Variants in ATG7 observed in about 807,000 individuals in gnomAD.
ATG7 encodes ubiquitin-like modifier-activating enzyme ATG7.
ATG7 carries 70 observed loss-of-function variants against 82.4 expected under a neutral mutation model. The ratio of observed to expected loss-of-function variants is 0.85; its 90% CI spans 0.70 to 1.04. The LOEUF (loss-of-function observed/expected upper bound fraction) is 1.04, where lower values mean the gene tolerates loss of function less well. ATG7 is among the 50% of genes least tolerant of loss of function. ATG7 has a pLI of 0.00. For synonymous variants in ATG7, 287 were observed against 313.0 expected (o/e 0.92, Z 0.88); for missense variants, 792 against 864.3 (o/e 0.92, Z 1.05).
chr3:11,558,934 G>A (rs940971172), downstream of ATG7: 259 of 1,330,078 alleles, frequency 1.9e-4, no homozygotes, highest in Non-Finnish European at 1.7e-4. Flanking sequence ...TGGCTGCCAC[G>A]GTCAGCGTGG....
At chr3:11,453,630 T>C (rs1279996191) in intron 20 of ATG7, among the ~76,000 whole-genome samples, 2 of 152,244 alleles carry the variant, frequency 1.3e-5, no homozygotes, top group African/African-American at 4.8e-5. Context: ...AGCTCTCTTA[T>C]GAGTCATCCT....
intron 20 of ATG7, among the ~76,000 whole-genome samples, chr3:11,529,947 G>C (rs975081255): frequency 2.0e-5 from 3 of 152,184 alleles, no homozygotes; most frequent in Non-Finnish European, 4.4e-5. Context: ...CTCTTGCCCA[G>C]GAGACAGGAG....
intron 20 of ATG7, among the ~76,000 whole-genome samples, chr3:11,489,205 C>G (rs2090097571): frequency 6.6e-6 from 1 of 152,222 alleles, no homozygotes; most frequent in East Asian, 1.9e-4. Flanking sequence ...AACCACTGCT[C>G]TCTTCAAAGC....
At chr3:11,405,324 A>G (rs1290015094) in intron 19 of ATG7, among the ~76,000 whole-genome samples, 1 of 152,000 alleles carries the variant, frequency 6.6e-6, no homozygotes, top group African/African-American at 2.4e-5. Flanking sequence ...TTTCACTGTG[A>G]TTATGTGTTA....
chr3:11,356,251 A>AATTGAACAAATG (rs1314249582), intron 14 of ATG7, among the ~76,000 whole-genome samples: 2 of 152,210 alleles, frequency 1.3e-5, no homozygotes, highest in Admixed American at 6.5e-5. Flanking sequence ...CATTTGTCAG[A>AATTGAACAAATG]ATACATTGAA....
chr3:11,563,178 T>C, the ATG7 span, among the ~76,000 whole-genome samples: 1 of 152,244 alleles, frequency 6.6e-6, no homozygotes, highest in East Asian at 1.9e-4. Flanking sequence ...CTCACAGTTA[T>C]GTCCCCCAGG....
chr3:11,371,900 A>G (rs2077020777), intron 18 of ATG7, among the ~76,000 whole-genome samples: 2 of 151,418 alleles, frequency 1.3e-5, no homozygotes, highest in Admixed American at 1.3e-4. Flanking sequence ...GAAGCTAATT[A>G]GACACGCACA....
chr3:11,559,523 C>T, downstream of ATG7: 3 of 1,463,264 alleles, frequency 2.1e-6, no homozygotes, highest in African/African-American at 1.4e-5. Flanking sequence ...CTGGGGCCCT[C>T]CCCAGCACCC....
intron 20 of ATG7, among the ~76,000 whole-genome samples, chr3:11,488,640 G>A (rs1221898620): frequency 9.2e-5 from 14 of 152,198 alleles, no homozygotes; most frequent in South Asian, 6.2e-4. Context: ...TGGGGCCTCC[G>A]GCGCCGTGAC....
chr3:11,287,591 A>G (rs1944298203), intron 3 of ATG7, among the ~76,000 whole-genome samples: 1 of 152,256 alleles, frequency 6.6e-6, no homozygotes, highest in African/African-American at 2.4e-5. Flanking sequence ...CTTAAGATGT[A>G]GAATGCTGCT....
At chr3:11,574,785 A>ATGTGTGTGTGTGTG in the ATG7 span, among the ~76,000 whole-genome samples, 232 of 121,778 alleles carry the variant, frequency 1.9e-3, 5 homozygotes, top group East Asian at 0.012. Flanking sequence ...TCAACTATAT[A>ATGTGTGTGTGTGTG]TGTGTGTGTG....
intron 20 of ATG7, among the ~76,000 whole-genome samples, chr3:11,492,812 GAACT>G (rs1426843299): frequency 1.3e-5 from 2 of 152,252 alleles, no homozygotes; most frequent in African/African-American, 4.8e-5. Flanking sequence ...GCAAGTGCAG[GAACT>G]GACTGGCCAC....
chr3:11,491,218 C>G (rs1245644125), intron 20 of ATG7, among the ~76,000 whole-genome samples: 2 of 152,108 alleles, frequency 1.3e-5, no homozygotes, highest in Non-Finnish European at 2.9e-5. Context: ...TCATTTCATT[C>G]ATTTCATCTT....
At chr3:11,314,100 G>T (rs1177445007) in intron 8 of ATG7, among the ~76,000 whole-genome samples, 1 of 152,124 alleles carries the variant, frequency 6.6e-6, no homozygotes. Context: ...CAAAACAGAA[G>T]GCATTCTCCT....
chr3:11,290,919 G>C (rs1255815547), intron 3 of ATG7, among the ~76,000 whole-genome samples: 2 of 152,158 alleles, frequency 1.3e-5, no homozygotes, highest in Non-Finnish European at 2.9e-5. Flanking sequence ...TCCTTACCAA[G>C]TGATCCACCC....
At chr3:11,340,591 G>A in intron 11 of ATG7, 54 bp from the exon 12 acceptor site, 1 of 1,499,876 alleles carries the variant, frequency 6.7e-7, no homozygotes. Context: ...TGCTTGATCT[G>A]CTTGTTTTTA....
At position 11,275,697 on chromosome 3, in the gene ATG7, G is replaced by A. The variant is rs530582752; in HGVS notation, c.-366+3267G>A. On this transcript the variant is annotated intron_variant, in intron 1 of 20. Transcript: ENST00000693202. ...TGATCTCCCCACCCTTCTCCAGTGC[G>A]ATTAAGGCCTGATTGTATAATCAAG... Among the ~76,000 whole-genome samples the A allele has an allele frequency of 5.3e-5, 8 of 152,026 alleles. No homozygotes were observed. In the South Asian group the frequency reaches 1.2e-3, roughly 24 times the overall value.
At chr3:11,297,963 G>A (rs1007614697) in intron 3 of ATG7, among the ~76,000 whole-genome samples, 9 of 152,138 alleles carry the variant, frequency 5.9e-5, no homozygotes, top group African/African-American at 1.4e-4. Flanking sequence ...CATTAAGGCC[G>A]CAAAGGTTAC....
chr3:11,352,008 C>T (rs1490143090), intron 14 of ATG7, among the ~76,000 whole-genome samples: 1 of 143,538 alleles, frequency 7.0e-6, no homozygotes, highest in African/African-American at 2.6e-5. Flanking sequence ...CCCCTCCCTC[C>T]ACGCCACGAC....
Sources: allele counts gnomAD v4.1 joint callset (sites outside exome capture counted in the v4.1 genomes callset), GRCh38; gene constraint gnomAD v4.1.1; transcripts MANE v1.5; gene names NCBI Gene and HGNC (gene_info 2026-07-23, HGNC 2026-07-21).